CDAN1: variants seen among roughly 807,000 people sequenced by gnomAD.
The protein encoded by CDAN1 is codanin 1.
In CDAN1, 107 loss-of-function variants were observed where a neutral mutation model predicts 139.8. The observed-to-expected ratio is 0.77, with a 90% CI of 0.65 to 0.90. The LOEUF (loss-of-function observed/expected upper bound fraction) is 0.90. Ranked by LOEUF, CDAN1 falls within the 40% of genes least tolerant of loss-of-function variation. CDAN1 has a pLI of 0.00. For missense variants in CDAN1, 1,667 were observed against 1,575.7 expected, an observed-to-expected ratio of 1.06 and a Z score of -0.98; for synonymous variants, 776 against 660.6, an observed-to-expected ratio of 1.17 and a Z score of -2.68.
Position 42,734,293 on chromosome 15 carries a change from C to T in CDAN1, c.1190G>A (p.Arg397Gln), listed in dbSNP as rs559228664. Residue 397 changes from arginine (R) to glutamine (Q), a missense_variant, in exon 7 of 28, where the codon CGG (arginine) becomes CAG (glutamine). Physicochemically the swap from Arg to Gln is conservative, Grantham distance 43. Coordinates refer to ENST00000356231, the MANE Select transcript of CDAN1 (RefSeq NM_138477.4). ...GTLKLLAENE[R>Q]LLCFSPALQG... ...CAGAGCTGGTGAGAAGCACAGCAGC[C>T]GCTCATTCTCAGCCAGCAGCTTCAA... The T allele has an allele frequency of 1.1e-5, 18 of 1,614,080 alleles. No individual in the cohort carries two copies. The highest frequency in any genetic ancestry group is 1.4e-5 in the Non-Finnish European group (16 of 1,180,024).
rs767935615 is a variant in CDAN1 at position 42,724,234 on chromosome 15, T to TAAAC, written c.*253_*256dup. ...CTCATTTCATTTAGTATCCAAGAGA[T>TAAAC]AAACAAACACCACCTCTTCTACTCC... On this transcript the variant is annotated 3_prime_UTR_variant, in exon 28 of 28. Coordinates refer to ENST00000356231, the MANE Select transcript of CDAN1 (RefSeq NM_138477.4). The TAAAC allele has an allele frequency of 8.2e-6, 4 of 490,246 alleles. No homozygotes were observed. Among genetic ancestry groups the TAAAC allele is most frequent in the South Asian group, 4.0e-5 (2 of 49,842 alleles). 30.4% of individuals were successfully genotyped at this position (490,246 alleles called of 1,614,324 possible). A position where few individuals can be genotyped will look rare whatever the true frequency, so the allele number is the denominator to read the frequency against.
In CDAN1 at chr15:42,736,689, C is replaced by A; in HGVS notation, c.182G>T (p.Ser61Ile). 1 of 1,552,146 alleles carries A rather than the reference C, an allele frequency of 6.4e-7. No individual in the cohort carries two copies. The highest frequency in any genetic ancestry group is 1.9e-5 in the Admixed American group (1 of 52,062). ...GGGCCCCTGCGGGAGGACGCGGCTG[C>A]TCTGCTCCCTCAGGAAGTTCAACAG... The part of the protein sequence containing the change: ...PFLLNFLREQ[S>I]SRVLPQGPPT... The change falls in exon 2 of 28, where the codon AGC (serine) becomes ATC (isoleucine). Residue 61 changes from serine to isoleucine, a missense_variant. Physicochemically the swap from Ser to Ile is moderately radical, Grantham distance 142. Coordinates refer to ENST00000356231, the MANE Select transcript of CDAN1 (RefSeq NM_138477.4).
chr15:42,734,551 G>A (rs562680581), intron 6 of CDAN1, among the ~76,000 whole-genome samples: 230 of 152,304 alleles, frequency 1.5e-3, no homozygotes, highest in Non-Finnish European at 2.6e-3. Flanking sequence ...CAAGACAGCA[G>A]GACAGGAACA....
chr15:42,731,831 G>A lies in CDAN1; in HGVS notation c.1534-6C>T, dbSNP rs2061616366. On this transcript the variant is annotated splice_polypyrimidine_tract_variant and splice_region_variant and intron_variant, in intron 10 of 27. Transcript: ENST00000356231. The stretch of plus-strand genomic sequence containing the variant: ...CCACCAGGGCTCTGACACATCTAGG[G>A]TGGAAGAGGAAGGAGAGAAATTAAA... 6.2e-7 allele frequency: 1 copy of A among 1,613,778 alleles called. No individual in the cohort carries two copies. The highest frequency in any genetic ancestry group is 8.5e-7 in the Non-Finnish European group (1 of 1,179,774).
chr15:42,736,821 G>A (rs1401205964), intron 1 of CDAN1, 41 bp from the exon 2 acceptor site: 4 of 1,480,702 alleles, frequency 2.7e-6, no homozygotes, highest in Non-Finnish European at 3.6e-6. Flanking sequence ...AGGGTCAGCC[G>A]CCGGCCCGCG....
intron 4 of CDAN1, 66 bp from the exon 5 acceptor site, chr15:42,735,440 T>G (rs1316131777): frequency 1.3e-6 from 2 of 1,597,848 alleles, no homozygotes; most frequent in Non-Finnish European, 1.7e-6. Flanking sequence ...CAGTTCCAAG[T>G]GCCTTACCAA....
In CDAN1 at chr15:42,735,170, C is replaced by T. The variant is rs185031946; in HGVS notation, c.1066G>A (p.Glu356Lys). The change falls in exon 6 of 28, where the codon GAA becomes AAA. Residue 356 changes from glutamate to lysine, a missense_variant. Physicochemically the swap from Glu to Lys is moderately conservative, Grantham distance 56. This residue lies in a region of CDAN1 where 244 missense variants were observed against 309.4 expected (regional missense o/e 0.79). Transcript: ENST00000356231. ...TGGATGCTTTGGAACAGTGGACTTT[C>T]CAGGGAATCTAGAAGGACAGTACCA... is the stretch of plus-strand genomic sequence containing the variant. Reference protein sequence around the residue: ...ELSPAVLDSLESPLFQSIHDC... With the variant: ...ELSPAVLDSLKSPLFQSIHDC... 2.7e-4 allele frequency: 437 copies of T among 1,613,630 alleles called. 7 individuals carry two copies. In the East Asian group the frequency reaches 9.4e-3, roughly 35 times the overall value.
intron 23 of CDAN1, chr15:42,726,938 A>G (rs759434148): frequency 6.1e-6 from 1 of 164,724 alleles, no homozygotes; most frequent in Non-Finnish European, 1.3e-5. Flanking sequence ...TCCCTATTCC[A>G]ATCTCTATTC....
chr15:42,730,924 C>T lies in CDAN1; in HGVS notation c.2007+1G>A. The T allele has an allele frequency of 6.2e-7, 1 of 1,614,226 alleles. No individual in the cohort carries two copies. The highest frequency in any genetic ancestry group is 1.3e-5 in the African/African-American group (1 of 75,070). ...CTCACCAGAATCCCCCGCCCATTCA[C>T]CTGGCTCCTGAGGGCCAGAATGGAG... On this transcript the variant is annotated splice_donor_variant, in intron 13 of 27. Transcript: ENST00000356231. LOFTEE classifies it high-confidence loss of function.
rs773148331 is a variant in CDAN1, at chr15:42,736,703, G to A, written c.168C>T (p.Phe56=). 4 of 1,558,072 alleles carry A rather than the reference G, an allele frequency of 2.6e-6. No individual in the cohort carries two copies. The highest frequency in any genetic ancestry group is 2.5e-5 in the East Asian group (1 of 39,892). ...RKEFVPFLLN[F]LREQSSRVLP... ...GGACGCGGCTGCTCTGCTCCCTCAG[G>A]AAGTTCAACAGGAACGGTACGAATT... Residue 56 remains phenylalanine (F), a synonymous_variant, in exon 2 of 28, where the codon TTC becomes TTT. Coordinates refer to ENST00000356231, the MANE Select transcript of CDAN1 (RefSeq NM_138477.4).
Position 42,724,577 on chromosome 15 carries a change from G to C in CDAN1, c.3598C>G (p.Leu1200Val). 6.4e-7 allele frequency: 1 copy of C among 1,552,878 alleles called. No individual in the cohort carries two copies. Among genetic ancestry groups the C allele is most frequent in the South Asian group, 1.2e-5 (1 of 84,144 alleles). Residue 1200 changes from leucine to valine, a missense_variant, in exon 28 of 28, where the codon CTA becomes GTA. Transcript: ENST00000356231. Reference protein sequence around the residue: ...EELATLSNLFLAEPHLPEPQL... With the variant: ...EELATLSNLFVAEPHLPEPQL... ...GGTTCTGGCAGGTGGGGCTCGGCTA[G>C]AAACAGATTAGACAGTGTTGCTAAT...
chr15:42,736,043 A>G lies in CDAN1; in HGVS notation c.605T>C (p.Val202Ala), dbSNP rs200994232. Residue 202 changes from valine to alanine, a missense_variant, in exon 3 of 28, where the codon GTG (valine) becomes GCG (alanine). Val to Ala is a moderately conservative substitution (Grantham distance 64). Coordinates refer to ENST00000356231, the MANE Select transcript of CDAN1 (RefSeq NM_138477.4). ...CTTGGAGAGTGACCGCTCTTCGCTC[A>G]CCGGAGTTGGGTTGATCCTGCGAGA... Reference protein sequence around the residue: ...KPSRRINPTPVSEERSLSKPK... With the variant: ...KPSRRINPTPASEERSLSKPK... The G allele has an allele frequency of 5.0e-6, 8 of 1,614,118 alleles. No individual in the cohort carries two copies. The Admixed American group carries it at 1.2e-4, about 24-fold the overall frequency.
Position 42,736,096 on chromosome 15 carries a change from A to G in CDAN1, c.570-18T>C, listed in dbSNP as rs370228678. On this transcript the variant is annotated intron_variant, in intron 2 of 27. Coordinates refer to ENST00000356231, the MANE Select transcript of CDAN1 (RefSeq NM_138477.4). ...GCTTCGTCCTGCTGAGAGTAGCCAC[A>G]GGTTTTTCTCAAATTCCTATCTTCA... is the stretch of plus-strand genomic sequence containing the variant. The G allele has an allele frequency of 1.1e-4, 183 of 1,613,214 alleles. No homozygotes were observed. Among genetic ancestry groups the G allele is most frequent in the Middle Eastern group, 9.9e-4 (6 of 6,060 alleles).
rs574099736 is a variant in CDAN1, at chr15:42,736,381, G to C, written c.490C>G (p.Leu164Val). 3.1e-6 allele frequency: 5 copies of C among 1,612,904 alleles called. No homozygotes were observed. The South Asian group carries it at 5.5e-5, about 18-fold the overall frequency. The change falls in exon 2 of 28, where the codon CTC becomes GTC. Residue 164 changes from leucine (L) to valine (V), a missense_variant. By Grantham distance (32) the Leu-to-Val change is conservative. Around this residue, in one of 3 missense-constraint regions of CDAN1, gnomAD observed 487 missense variants for 422.2 expected, o/e 1.15. Coordinates refer to ENST00000356231, the MANE Select transcript of CDAN1 (RefSeq NM_138477.4). ...RGSGSPSRPS[L>V]TLSDPPNLSN... ...AGGTTTGGCGGATCAGACAGCGTGA[G>C]GCTGGGGCGGCTGGGGCTGCCAGAG... is the stretch of plus-strand genomic sequence containing the variant.
At chr15:42,724,814 G>A (rs1234169965) in intron 27 of CDAN1, 198 bp from the exon 28 acceptor site, 3 of 696,794 alleles carry the variant, frequency 4.3e-6, no homozygotes, top group Non-Finnish European at 7.4e-6. Flanking sequence ...AACTCTGATG[G>A]AGGCACAGGC....
At chr15:42,734,474 G>T in intron 6 of CDAN1, 128 bp from the exon 7 acceptor site, 1 of 1,130,432 alleles carries the variant, frequency 8.8e-7, no homozygotes, top group Non-Finnish European at 1.3e-6. Context: ...GTACTGCAAG[G>T]TCATGGGCCA....
At chr15:42,727,797 G>GA in intron 22 of CDAN1, 28 bp from the exon 23 acceptor site, 1 of 1,608,588 alleles carries the variant, frequency 6.2e-7, no homozygotes, top group Non-Finnish European at 8.5e-7. Flanking sequence ...AATGGGAAAG[G>GA]AATCACGGGA....
Position 42,731,673 on chromosome 15 carries a change from G to A in CDAN1, c.1686C>T (p.Pro562=), listed in dbSNP as rs142013998. Residue 562 remains proline, a synonymous_variant, in exon 11 of 28, where the codon CCC becomes CCT. Coordinates refer to ENST00000356231, the MANE Select transcript of CDAN1 (RefSeq NM_138477.4). ...AGAAGCCTTGACAGCCTGGGAAGGT[G>A]GGGGGTGGGCAGGGCCCCCCACTGC... The part of the protein sequence containing the change: ...PQSSGGPCPP[P]TFPGCQGFFR... 1.2e-6 allele frequency: 2 copies of A among 1,614,002 alleles called. No individual in the cohort carries two copies. The highest frequency in any genetic ancestry group is 1.7e-4 in the Middle Eastern group (1 of 6,044).
In CDAN1 at chr15:42,736,083, T is replaced by C. The variant is rs865869549; in HGVS notation, c.570-5A>G. ...ATCCTGCGAGAAGGCTTCGTCCTGC[T>C]GAGAGTAGCCACAGGTTTTTCTCAA... is the stretch of plus-strand genomic sequence containing the variant. On this transcript the variant is annotated splice_region_variant and splice_polypyrimidine_tract_variant and intron_variant, in intron 2 of 27. Coordinates refer to ENST00000356231, the MANE Select transcript of CDAN1 (RefSeq NM_138477.4). 2 of 1,614,064 alleles carry C rather than the reference T, an allele frequency of 1.2e-6. No homozygotes were observed. Among genetic ancestry groups the C allele is most frequent in the East Asian group, 4.5e-5 (2 of 44,858 alleles).
Sources: gnomAD v4.1 joint callset for allele counts (sites outside exome capture counted in the v4.1 genomes callset) on GRCh38, gnomAD v4.1.1 for gene constraint, gnomAD v4.1.1 regional missense constraint, MANE v1.5 for transcripts, NCBI Gene and HGNC (gene_info 2026-07-23, HGNC 2026-07-21) for gene names.